ASTN2: variants seen among roughly 807,000 people sequenced by gnomAD.
ASTN2 encodes astrotactin 2, also known as astrotactin-2.
A neutral mutation model predicts 139.8 loss-of-function variants in ASTN2; 54 were observed. The observed-to-expected ratio is 0.39, with a 90% CI of 0.31 to 0.48. The LOEUF (loss-of-function observed/expected upper bound fraction) is 0.48, where lower values mean the gene tolerates loss of function less well. Among genes scored for constraint, ASTN2 ranks in the 20% least tolerant of loss-of-function variants. The pLI is 0.95. For synonymous variants in ASTN2, 756 were observed against 719.5 expected (o/e 1.05, Z -0.81); for missense variants, 1,565 against 1,725.1 (o/e 0.91, Z 1.64).
chr9:116,844,778 T>C (rs1399573228), intron 11 of ASTN2, among the ~76,000 whole-genome samples: 2 of 152,188 alleles, frequency 1.3e-5, no homozygotes, highest in Non-Finnish European at 2.9e-5. Context: ...TAGTTTTGGC[T>C]TGAGTTCCAA....
At chr9:116,656,600 C>A (rs1433364420) in intron 16 of ASTN2, among the ~76,000 whole-genome samples, 1 of 150,702 alleles carries the variant, frequency 6.6e-6, no homozygotes, top group South Asian at 2.1e-4. Flanking sequence ...AATGACACTA[C>A]AACCCATTCA....
At chr9:116,706,134 C>T (rs1827983284) in intron 16 of ASTN2, among the ~76,000 whole-genome samples, 2 of 152,126 alleles carry the variant, frequency 1.3e-5, no homozygotes, top group African/African-American at 4.8e-5. Flanking sequence ...AATGCATACC[C>T]TCTTCGGTAT....
intron 17 of ASTN2, among the ~76,000 whole-genome samples, chr9:116,646,464 C>G (rs1260270221): frequency 6.6e-6 from 1 of 152,060 alleles, no homozygotes; most frequent in African/African-American, 2.4e-5. Flanking sequence ...GAGTTAGTGG[C>G]AGAGTTGGAG....
rs191567685 is a variant in ASTN2 at position 117,265,121 on chromosome 9, G to A, written c.630+26205C>T. On this transcript the variant is annotated intron_variant, in intron 2 of 22. Transcript: ENST00000313400. ...GTCTATTTAAGTTTGTCTTTCTCCA[G>A]AAGCAGTTCAGAAGATAGGAATTTG... Among the ~76,000 whole-genome samples the A allele has an allele frequency of 4.6e-5, 7 of 152,286 alleles. 1 individual carries two copies. The highest frequency in any genetic ancestry group is 1.7e-4 in the African/African-American group (7 of 41,556).
chr9:116,761,872 G>C (rs527469214), intron 13 of ASTN2, among the ~76,000 whole-genome samples: 1 of 152,342 alleles, frequency 6.6e-6, no homozygotes, highest in African/African-American at 2.4e-5. Context: ...AGTGAATTCA[G>C]GATGAAGAAG....
chr9:116,947,334 G>T (rs951015721), intron 10 of ASTN2, among the ~76,000 whole-genome samples: 1 of 152,202 alleles, frequency 6.6e-6, no homozygotes, highest in South Asian at 2.1e-4. Flanking sequence ...AGACATCTGA[G>T]TTAGGCTGAT....
At chr9:117,327,164 AG>A (rs1828544160) in intron 1 of ASTN2, among the ~76,000 whole-genome samples, 1 of 152,146 alleles carries the variant, frequency 6.6e-6, no homozygotes, top group African/African-American at 2.4e-5. Flanking sequence ...CTGATCTGAC[AG>A]GAGATGGAGC....
At chr9:117,095,582 T>C (rs1828820811) in intron 5 of ASTN2, among the ~76,000 whole-genome samples, 2 of 152,210 alleles carry the variant, frequency 1.3e-5, no homozygotes, top group Non-Finnish European at 2.9e-5. Flanking sequence ...CCATTAACCC[T>C]GTACATTTTA....
Position 117,295,427 on chromosome 9 carries a change from C to G in ASTN2, c.443-3914G>C, listed in dbSNP as rs78577935. On this transcript the variant is annotated intron_variant, in intron 1 of 22. Coordinates refer to ENST00000313400, the MANE Select transcript of ASTN2 (RefSeq NM_001365068.1). ...TTTATTGTCTCTCTCTCCAGGAGAG[C>G]AGAGACCTTGTGTGTCTTATTTCCT... Among the ~76,000 whole-genome samples the G allele has an allele frequency of 4.6e-3, 700 of 152,236 alleles. 4 individuals are homozygous for G. The highest frequency in any genetic ancestry group is 0.016 in the African/African-American group (675 of 41,536).
chr9:116,463,553 C>T lies in ASTN2; in HGVS notation c.3498-21000G>A, dbSNP rs1276550627. 2.0e-5 allele frequency among the ~76,000 whole-genome samples: 3 copies of T among 152,324 alleles called. No homozygotes were observed. In the East Asian group the frequency reaches 5.8e-4, roughly 29 times the overall value. ...TGTCCCTGCTGAATGTTCTCTCTGC[C>T]TATAATGCCTGTCACCTCTCTGGGG... is the stretch of plus-strand genomic sequence containing the variant. On this transcript the variant is annotated intron_variant, in intron 20 of 22. Coordinates refer to ENST00000313400, the MANE Select transcript of ASTN2 (RefSeq NM_001365068.1).
intron 17 of ASTN2, among the ~76,000 whole-genome samples, chr9:116,624,332 T>C (rs1455471424): frequency 6.6e-6 from 1 of 152,162 alleles, no homozygotes; most frequent in Non-Finnish European, 1.5e-5. Flanking sequence ...TCACTGAACT[T>C]CCTACTTCAT....
At chr9:117,008,571 G>A (rs952635757) in intron 6 of ASTN2, among the ~76,000 whole-genome samples, 1 of 152,120 alleles carries the variant, frequency 6.6e-6, no homozygotes, top group Admixed American at 6.5e-5. Context: ...CCTGGGTCTT[G>A]GTTACTTCCT....
At chr9:116,702,234 A>C (rs867309241) in intron 16 of ASTN2, among the ~76,000 whole-genome samples, 1 of 152,086 alleles carries the variant, frequency 6.6e-6, no homozygotes, top group Non-Finnish European at 1.5e-5. Context: ...TAACATGTGA[A>C]AATAACCTGG....
intron 11 of ASTN2, among the ~76,000 whole-genome samples, chr9:116,861,403 C>T (rs1832880243): frequency 6.6e-6 from 1 of 152,176 alleles, no homozygotes. Context: ...GCCTTACATT[C>T]TGGACACAAC....
intron 1 of ASTN2, among the ~76,000 whole-genome samples, chr9:117,371,519 A>G (rs1029240563): frequency 3.3e-5 from 5 of 152,098 alleles, no homozygotes; most frequent in Non-Finnish European, 7.4e-5. Flanking sequence ...TAAAAACACA[A>G]ACTTAGGAGC....
At chr9:116,619,866 G>A (rs182314979) in intron 18 of ASTN2, among the ~76,000 whole-genome samples, 4 of 151,976 alleles carry the variant, frequency 2.6e-5, no homozygotes, top group African/African-American at 7.2e-5. Context: ...TCCTGTTTTT[G>A]TTTTGGCATC....
In ASTN2 at chr9:117,079,350, T is replaced by G. The variant is rs74573063; in HGVS notation, c.1276+16694A>C. Among the ~76,000 whole-genome samples the G allele has an allele frequency of 3.3e-5, 5 of 152,058 alleles. No homozygotes were observed. The East Asian group carries it at 9.7e-4, about 29-fold the overall frequency. ...CAACCTGAGTGACAGAATGAGACCCTGTCGAGAGAGAGTGAGAGAGAGACA... is the reference window on the plus strand; with the variant it reads ...CAACCTGAGTGACAGAATGAGACCCGGTCGAGAGAGAGTGAGAGAGAGACA... On this transcript the variant is annotated intron_variant, in intron 5 of 22. Coordinates refer to ENST00000313400, the MANE Select transcript of ASTN2 (RefSeq NM_001365068.1).
intron 13 of ASTN2, among the ~76,000 whole-genome samples, 171 bp downstream of exon 13, chr9:116,805,461 A>G (rs1163954068): frequency 6.6e-6 from 1 of 152,162 alleles, no homozygotes; most frequent in Admixed American, 6.6e-5. Context: ...AAGAAACCTT[A>G]TGGAATAAAG....
chr9:117,214,811 C>T (rs899765593), intron 2 of ASTN2, 69 bp from the exon 3 acceptor site: 84 of 1,402,944 alleles, frequency 6.0e-5, no homozygotes, highest in Non-Finnish European at 7.7e-5. Context: ...AGGGGATTTT[C>T]CTGTCCACTA....
Sources: allele counts gnomAD v4.1 joint callset (sites outside exome capture counted in the v4.1 genomes callset), GRCh38; gene constraint gnomAD v4.1.1; transcripts MANE v1.5; gene names NCBI Gene and HGNC (gene_info 2026-07-23, HGNC 2026-07-21).